The following WDR59 variants were observed in gnomAD, a reference collection of about 807,000 sequenced individuals.
The protein encoded by WDR59 is WD repeat domain 59.
WDR59 carries 100 observed loss-of-function variants against 131.2 expected under a neutral mutation model. The observed-to-expected ratio is 0.76, with a 90% confidence interval of 0.65 to 0.90. WDR59 has a LOEUF of 0.90. Among genes scored for constraint, WDR59 ranks in the 40% least tolerant of loss-of-function variants. The pLI is 0.00. For missense variants in WDR59, 1,203 were observed against 1,262.2 expected, an observed-to-expected ratio of 0.95 and a Z score of 0.71; for synonymous variants, 601 against 466.2, an observed-to-expected ratio of 1.29 and a Z score of -3.72.
At chr16:74,937,470 T>G (rs2031895702) in intron 8 of WDR59, among the ~76,000 whole-genome samples, 1 of 152,322 alleles carries the variant, frequency 6.6e-6, no homozygotes, top group Non-Finnish European at 1.5e-5. Flanking sequence ...CTGTCATACA[T>G]ATCTGACTTC....
At chr16:74,885,480 T>C (rs1310050647) in intron 25 of WDR59, among the ~76,000 whole-genome samples, 173 bp downstream of exon 25, 1 of 134,678 alleles carries the variant, frequency 7.4e-6, no homozygotes, top group South Asian at 2.6e-4. Flanking sequence ...AAAAAATTCA[T>C]CCTGTTACGA....
chr16:74,918,453 G>A (rs1347930281), intron 10 of WDR59, among the ~76,000 whole-genome samples: 2 of 152,204 alleles, frequency 1.3e-5, no homozygotes, highest in African/African-American at 2.4e-5. Context: ...TCGAAGAGCT[G>A]GAGATGAACA....
chr16:74,910,863 C>A (rs1357432746), intron 14 of WDR59, among the ~76,000 whole-genome samples: 1 of 152,046 alleles, frequency 6.6e-6, no homozygotes, highest in East Asian at 1.9e-4. Flanking sequence ...GCCTCCGCCT[C>A]CCAGGTTCAA....
Position 74,915,852 on chromosome 16 carries a change from G to A in WDR59, c.1224+18C>T. On this transcript the variant is annotated intron_variant, in intron 13 of 25. Transcript: ENST00000262144. ...CTGCCATCAGCAAACATGAGATACA[G>A]TTGATTAAACTAAGTACCTCCACAT... 6 of 1,614,188 alleles carry A rather than the reference G, an allele frequency of 3.7e-6. No homozygotes were observed. The highest frequency in any genetic ancestry group is 2.2e-5 in the South Asian group (2 of 91,080).
intron 13 of WDR59, chr16:74,915,399 T>C (rs986998499): frequency 3.3e-5 from 5 of 151,922 alleles, no homozygotes; most frequent in South Asian, 4.1e-4. Flanking sequence ...CATCTCTTTA[T>C]TTACTTATTT....
At chr16:74,979,193 G>A (rs1324921440) in intron 1 of WDR59, 3 of 152,170 alleles carry the variant, frequency 2.0e-5, no homozygotes, top group Non-Finnish European at 4.4e-5. Flanking sequence ...AAACAGTGAT[G>A]CTCTGGGCCA....
chr16:74,896,633 TAA>T (rs554333270), intron 18 of WDR59, among the ~76,000 whole-genome samples: 3 of 138,792 alleles, frequency 2.2e-5, no homozygotes, highest in Admixed American at 7.4e-5. Context: ...AGACCCTGCC[TAA>T]AAAAAAAAAA....
chr16:74,969,849 T>C (rs777123220), intron 1 of WDR59, among the ~76,000 whole-genome samples: 1 of 152,058 alleles, frequency 6.6e-6, no homozygotes, highest in African/African-American at 2.4e-5. Context: ...TACAGTGGCA[T>C]GATCTCAGCT....
intron 5 of WDR59, 146 bp from the exon 6 acceptor site, chr16:74,948,702 T>C (rs1043748974): frequency 2.8e-6 from 2 of 721,768 alleles, no homozygotes; most frequent in Non-Finnish European, 4.9e-6. Context: ...TAAAAAGAAG[T>C]CTAAAGAGAG....
chr16:74,932,978 C>T (rs551146719), intron 8 of WDR59, among the ~76,000 whole-genome samples: 115 of 151,994 alleles, frequency 7.6e-4, no homozygotes, highest in Non-Finnish European at 1.4e-3. Context: ...AATAATTTCG[C>T]CTTATATATT....
chr16:74,935,275 C>T (rs1253940048), intron 8 of WDR59, among the ~76,000 whole-genome samples: 1 of 151,796 alleles, frequency 6.6e-6, no homozygotes, highest in African/African-American at 2.4e-5. Context: ...ATTTCCAGGA[C>T]TCTCTTTGTC....
chr16:74,977,827 A>G (rs907333949), intron 1 of WDR59, among the ~76,000 whole-genome samples: 1 of 152,254 alleles, frequency 6.6e-6, no homozygotes, highest in African/African-American at 2.4e-5. Flanking sequence ...ATTGCAGTCT[A>G]TATACTGGAA....
rs116111140 is a variant in WDR59 at position 74,901,459 on chromosome 16, G to A, written c.1866+2488C>T. 7.8e-3 allele frequency among the ~76,000 whole-genome samples: 1,189 copies of A among 152,094 alleles called. 12 individuals are homozygous for A. The highest frequency in any genetic ancestry group is 0.027 in the African/African-American group (1,117 of 41,510). ...AAATCCAGCCTGGGCAACATAGCGGGACCCCAGCTCTATAAAAATATTTGT... is the reference window on the plus strand; with the variant it reads ...AAATCCAGCCTGGGCAACATAGCGGAACCCCAGCTCTATAAAAATATTTGT... On this transcript the variant is annotated intron_variant, in intron 18 of 25. Coordinates refer to ENST00000262144, the MANE Select transcript of WDR59 (RefSeq NM_030581.4).
intron 8 of WDR59, among the ~76,000 whole-genome samples, chr16:74,933,474 G>A (rs1000559239): frequency 6.6e-6 from 1 of 150,376 alleles, no homozygotes; most frequent in African/African-American, 2.5e-5. Context: ...TGAATCATAT[G>A]CCTAAATCCC....
Position 74,873,838 on chromosome 16 carries a change from G to C in WDR59, c.*371C>G. On this transcript the variant is annotated 3_prime_UTR_variant, in exon 26 of 26. Coordinates refer to ENST00000262144, the MANE Select transcript of WDR59 (RefSeq NM_030581.4). ...GGCATCTGACTCTGGTCTCTGCACT[G>C]GCATCAAGAGAACGCTGCTCGGTGG... The C allele has an allele frequency of 5.0e-6, 1 of 201,484 alleles. No homozygotes were observed. The highest frequency in any genetic ancestry group is 1.0e-5 in the Non-Finnish European group (1 of 99,352). The allele number at this position is 201,484 out of a possible 1,614,324, so 12.5% of individuals were successfully genotyped here. A position where few individuals can be genotyped will look rare whatever the true frequency, so the allele number is the denominator to read the frequency against.
At chr16:74,984,711 C>A in intron 1 of WDR59, 1 of 550,724 alleles carries the variant, frequency 1.8e-6, no homozygotes, top group Non-Finnish European at 3.3e-6. Flanking sequence ...GTCTCTGCCT[C>A]AGTGTCACAA....
intron 8 of WDR59, among the ~76,000 whole-genome samples, chr16:74,925,484 T>C (rs1419485492): frequency 2.8e-5 from 4 of 143,120 alleles, no homozygotes; most frequent in Non-Finnish European, 4.5e-5. Context: ...GCAGAGGTTG[T>C]AGTGAGCCAA....
intron 1 of WDR59, among the ~76,000 whole-genome samples, chr16:74,979,838 CTTTTTTTT>C (rs56943510): frequency 6.4e-4 from 39 of 60,506 alleles, no homozygotes; most frequent in African/African-American, 2.0e-3. Context: ...CACACCCGGC[CTTTTTTTT>C]TTTTTTTTTT....
chr16:74,893,673 A>G lies in WDR59; in HGVS notation c.2000+6T>C. 1 of 1,613,070 alleles carries G rather than the reference A, an allele frequency of 6.2e-7. No homozygotes were observed. Among genetic ancestry groups the G allele is most frequent in the Non-Finnish European group, 8.5e-7 (1 of 1,179,392 alleles). The stretch of plus-strand genomic sequence containing the variant: ...GAGTGCAGCAGACTTGAAATTTTGT[A>G]CTTACATGTACAGCTCTCCCAGCGA... On this transcript the variant is annotated splice_donor_region_variant and intron_variant, in intron 19 of 25. Coordinates refer to ENST00000262144, the MANE Select transcript of WDR59 (RefSeq NM_030581.4).
Sources: allele counts gnomAD v4.1 joint callset (sites outside exome capture counted in the v4.1 genomes callset), GRCh38; gene constraint gnomAD v4.1.1; transcripts MANE v1.5; gene names NCBI Gene and HGNC (gene_info 2026-07-23, HGNC 2026-07-21).